Variants in LYPD6B observed in about 807,000 individuals in gnomAD.
The protein encoded by LYPD6B is LY6/PLAUR domain containing 6B, also known as ly6/PLAUR domain-containing protein 6B.
LYPD6B carries 17 observed loss-of-function variants against 22.8 expected under a neutral mutation model. The observed-to-expected ratio is 0.75, with a 90% CI of 0.51 to 1.12. The LOEUF (loss-of-function observed/expected upper bound fraction) is 1.12. Among genes scored for constraint, LYPD6B ranks in the 50% most tolerant of loss-of-function variants. LYPD6B has a pLI of 0.00. For missense variants in LYPD6B, 221 were observed against 258.3 expected, an observed-to-expected ratio of 0.86 and a Z score of 0.99; for synonymous variants, 106 against 91.6, an observed-to-expected ratio of 1.16 and a Z score of -0.90.
chr2:149,198,530 A>G (rs1281115650), intron 3 of LYPD6B, among the ~76,000 whole-genome samples: 1 of 152,190 alleles, frequency 6.6e-6, no homozygotes, highest in African/African-American at 2.4e-5. Flanking sequence ...AAAATTGATT[A>G]GACTGTTTCT....
At chr2:149,060,406 C>G (rs1383339592) in intron 1 of LYPD6B, among the ~76,000 whole-genome samples, 1 of 152,128 alleles carries the variant, frequency 6.6e-6, no homozygotes, top group Non-Finnish European at 1.5e-5. Flanking sequence ...ACAGCACATA[C>G]AAAAATCTAG....
intron 2 of LYPD6B, among the ~76,000 whole-genome samples, chr2:149,133,355 C>A (rs1403405289): frequency 1.3e-5 from 2 of 152,128 alleles, no homozygotes. Flanking sequence ...ACAATATATT[C>A]ATTAGTATAG....
chr2:149,154,840 C>T lies in LYPD6B; in HGVS notation c.6-5924C>T, dbSNP rs372308276. ...TCTATTTTGTGTCCAATGCTATATG[C>T]TAGGGACCGAAAGAGATACAAGATA... On this transcript the variant is annotated intron_variant, in intron 2 of 6. Coordinates refer to ENST00000409642, the MANE Select transcript of LYPD6B (RefSeq NM_177964.5). Among the ~76,000 whole-genome samples, 46 of 152,214 alleles carry T rather than the reference C, an allele frequency of 3.0e-4. 2 individuals are homozygous for T. Among genetic ancestry groups the T allele is most frequent in the African/African-American group, 1.1e-3 (45 of 41,530 alleles).
chr2:149,206,111 G>A (rs566543547), intron 4 of LYPD6B: 13 of 411,134 alleles, frequency 3.2e-5, no homozygotes, highest in East Asian at 1.4e-4. Flanking sequence ...TAGTTCCCAC[G>A]CCTGGAAGAG....
At chr2:149,214,190 G>A (rs1425781179) in intron 6 of LYPD6B, among the ~76,000 whole-genome samples, 2 of 152,152 alleles carry the variant, frequency 1.3e-5, no homozygotes, top group Admixed American at 1.3e-4. Context: ...TAATCCGAAA[G>A]GTTCCTAGCT....
At chr2:149,089,530 G>A (rs887094716) in intron 1 of LYPD6B, among the ~76,000 whole-genome samples, 6 of 152,088 alleles carry the variant, frequency 3.9e-5, no homozygotes, top group African/African-American at 1.4e-4. Context: ...CTGTAAAATA[G>A]TTAAAATACT....
At chr2:149,161,977 T>C (rs1287332660) in intron 3 of LYPD6B, among the ~76,000 whole-genome samples, 1 of 152,102 alleles carries the variant, frequency 6.6e-6, no homozygotes, top group African/African-American at 2.4e-5. Flanking sequence ...CCGGGGCATA[T>C]TGGGTGGAAT....
At chr2:149,136,064 A>C (rs1688350552) in intron 2 of LYPD6B, among the ~76,000 whole-genome samples, 1 of 152,200 alleles carries the variant, frequency 6.6e-6, no homozygotes, top group Non-Finnish European at 1.5e-5. Flanking sequence ...AGCAGTTTGC[A>C]TGGGGGCTGA....
intron 2 of LYPD6B, among the ~76,000 whole-genome samples, chr2:149,142,477 A>G (rs1688752872): frequency 6.6e-6 from 1 of 152,162 alleles, no homozygotes; most frequent in Non-Finnish European, 1.5e-5. Flanking sequence ...CTGGGATACG[A>G]GTGAAAGAAG....
intron 2 of LYPD6B, among the ~76,000 whole-genome samples, chr2:149,146,512 C>T (rs969366912): frequency 1.3e-5 from 2 of 152,112 alleles, no homozygotes; most frequent in East Asian, 1.9e-4. Flanking sequence ...GGCTGGGCCA[C>T]GCCAGGCTGT....
chr2:149,206,760 T>C (rs1340743705), intron 4 of LYPD6B, among the ~76,000 whole-genome samples: 1 of 152,128 alleles, frequency 6.6e-6, no homozygotes. Flanking sequence ...TGTATTTACA[T>C]ATGTGATATA....
chr2:149,103,872 G>A (rs1395362339), intron 1 of LYPD6B, among the ~76,000 whole-genome samples: 1 of 149,034 alleles, frequency 6.7e-6, no homozygotes, highest in Non-Finnish European at 1.5e-5. Flanking sequence ...TGGCTCCCGG[G>A]TGCAAGCAAT....
At chr2:149,208,291 T>G in intron 4 of LYPD6B, 23 bp from the exon 5 acceptor site, 3 of 1,594,146 alleles carry the variant, frequency 1.9e-6, no homozygotes, top group Non-Finnish European at 2.6e-6. Context: ...GCTTACTGTT[T>G]CACTTTGCTT....
chr2:149,214,778 A>T lies in LYPD6B; in HGVS notation c.*68A>T. On this transcript the variant is annotated 3_prime_UTR_variant, in exon 7 of 7. Coordinates refer to ENST00000409642, the MANE Select transcript of LYPD6B (RefSeq NM_177964.5). ...CAAGCCAAAAACTGTGTGAACGGTG[A>T]ACTTTGGAGTGAAGATCAATCTTGC... is the stretch of plus-strand genomic sequence containing the variant. 6.6e-7 allele frequency: 1 copy of T among 1,511,698 alleles called. No individual in the cohort carries two copies. The highest frequency in any genetic ancestry group is 9.2e-7 in the Non-Finnish European group (1 of 1,090,302). 93.6% of individuals were successfully genotyped at this position (1,511,698 alleles called of 1,614,324 possible).
At chr2:149,069,647 A>G (rs1469503443) in intron 1 of LYPD6B, among the ~76,000 whole-genome samples, 1 of 146,008 alleles carries the variant, frequency 6.8e-6, no homozygotes, top group African/African-American at 2.5e-5. Flanking sequence ...GCATTGCCAC[A>G]TTAAAAAAAA....
Position 149,084,564 on chromosome 2 carries a change from A to G in LYPD6B, c.-67+45763A>G, listed in dbSNP as rs1405455122. 2.6e-5 allele frequency among the ~76,000 whole-genome samples: 4 copies of G among 152,140 alleles called. No individual in the cohort carries two copies. In the East Asian group the frequency reaches 5.8e-4, roughly 22 times the overall value. ...GTTGTTACTCCAAGAATCCCTGGGT[A>G]TATTTTGTGGAGAATGCATTAAGAA... On this transcript the variant is annotated intron_variant, in intron 1 of 6. Coordinates refer to ENST00000409642, the MANE Select transcript of LYPD6B (RefSeq NM_177964.5).
intron 2 of LYPD6B, among the ~76,000 whole-genome samples, chr2:149,136,901 A>G (rs899993079): frequency 6.6e-6 from 1 of 152,254 alleles, no homozygotes; most frequent in East Asian, 1.9e-4. Context: ...TGCTCTGTAT[A>G]TATGGGCCAA....
intron 3 of LYPD6B, among the ~76,000 whole-genome samples, chr2:149,198,318 A>C (rs1234794058): frequency 6.6e-6 from 1 of 152,206 alleles, no homozygotes; most frequent in Non-Finnish European, 1.5e-5. Context: ...CTGGGATTAC[A>C]GGCATGAGCC....
chr2:149,203,960 C>T (rs12472513), intron 3 of LYPD6B, among the ~76,000 whole-genome samples: 48,934 of 152,032 alleles, frequency 0.32, 8,014 homozygotes, highest in African/African-American at 0.38. Flanking sequence ...TCAAACAAAA[C>T]GTGCATGTGA....
Sources: allele counts gnomAD v4.1 joint callset (sites outside exome capture counted in the v4.1 genomes callset), GRCh38; gene constraint gnomAD v4.1.1; transcripts MANE v1.5; gene names NCBI Gene and HGNC (gene_info 2026-07-23, HGNC 2026-07-21).